COA6: variants seen among roughly 807,000 people sequenced by gnomAD.
COA6 encodes cytochrome c oxidase assembly factor 6 homolog.
COA6 carries 12 observed loss-of-function variants against 17.1 expected under a neutral mutation model. The observed-to-expected ratio is 0.70, with a 90% CI of 0.45 to 1.14. The LOEUF (loss-of-function observed/expected upper bound fraction) is 1.14, where lower values mean the gene tolerates loss of function less well. Ranked by LOEUF, COA6 falls within the 50% of genes most tolerant of loss-of-function variation. The probability of loss-of-function intolerance (pLI) is 0.00; values close to 1 mark genes in which losing one functional copy is unlikely to be tolerated. For missense variants in COA6, 246 were observed against 196.5 expected (o/e 1.25, Z -1.51); for synonymous variants, 90 against 73.4 (o/e 1.23, Z -1.16).
chr1:234,382,318 C>T (rs1286446899), intron 2 of COA6, among the ~76,000 whole-genome samples: 1 of 152,210 alleles, frequency 6.6e-6, no homozygotes, highest in Non-Finnish European at 1.5e-5. Context: ...AAGGCTGCTT[C>T]TGTGTCAGGG....
chr1:234,381,508 T>C (rs181861271), intron 2 of COA6, among the ~76,000 whole-genome samples: 7 of 152,326 alleles, frequency 4.6e-5, no homozygotes, highest in Non-Finnish European at 4.4e-5. Flanking sequence ...GATGAAGCCA[T>C]CAGTGGCCTC....
At chr1:234,380,868 C>G (rs973475846) in intron 2 of COA6, among the ~76,000 whole-genome samples, 1 of 152,180 alleles carries the variant, frequency 6.6e-6, no homozygotes, top group Non-Finnish European at 1.5e-5. Context: ...GGCGCGGTGG[C>G]ACGCGCCTGT....
In COA6 at chr1:234,373,582, G is replaced by A. The variant is rs749146340; in HGVS notation, c.116G>A (p.Arg39Lys). Residue 39 changes from arginine to lysine, a missense_variant, in exon 1 of 3, where the codon AGG becomes AAG. By Grantham distance (26) the Arg-to-Lys change is conservative (BLOSUM62 2). Coordinates refer to ENST00000366615, the MANE Select transcript of COA6 (RefSeq NM_001206641.3). Reference sequence around the variant, plus strand: ...CCAGCGGGGCGACCCTGCAGTGGCAGGACTCGGCACCGCGCCCTCCACCGC... The same window carrying A: ...CCAGCGGGGCGACCCTGCAGTGGCAAGACTCGGCACCGCGCCCTCCACCGC... ...LEPAGRPCSG[R>K]TRHRALHRRL... The A allele has an allele frequency of 3.1e-6, 5 of 1,612,276 alleles. No homozygotes were observed. The Admixed American group carries it at 6.7e-5, about 22-fold the overall frequency.
rs1409378932 is a variant in COA6 at position 234,373,673 on chromosome 1, A to G, written c.207A>G (p.Ala69=). The change falls in exon 1 of 3, where the codon GCA becomes GCG. Residue 69 remains alanine (A), a synonymous_variant. Transcript: ENST00000366615. ...GAAAGGAAGCCGGACGTGGGCGGGC[A>G]GAGAGGTCGGCTTGCTGATGGGTCC... is the stretch of plus-strand genomic sequence containing the variant. ...RHRKEAGRGR[A]ESFIAVGMAA... The G allele has an allele frequency of 6.2e-7, 1 of 1,612,798 alleles. No individual in the cohort carries two copies. The highest frequency in any genetic ancestry group is 8.5e-7 in the Non-Finnish European group (1 of 1,179,162).
At chr1:234,378,000 G>A (rs76405620) in intron 2 of COA6, among the ~76,000 whole-genome samples, 11,604 of 152,286 alleles carry the variant, frequency 0.076, 519 homozygotes, top group Middle Eastern at 0.095. Flanking sequence ...AGGAATGACC[G>A]TGTTCATCAT....
chr1:234,374,086 C>G, intron 1 of COA6, 144 bp from the exon 2 acceptor site: 3 of 1,044,958 alleles, frequency 2.9e-6, no homozygotes, highest in Non-Finnish European at 4.0e-6. Context: ...CATCAAAATC[C>G]CTAAGCATGG....
In COA6 at chr1:234,373,596, G is replaced by C; in HGVS notation, c.130G>C (p.Ala44Pro). The C allele has an allele frequency of 6.2e-7, 1 of 1,612,408 alleles. No individual in the cohort carries two copies. The highest frequency in any genetic ancestry group is 8.5e-7 in the Non-Finnish European group (1 of 1,179,500). Residue 44 changes from alanine to proline, a missense_variant, in exon 1 of 3, where the codon GCC (alanine) becomes CCC (proline). Coordinates refer to ENST00000366615, the MANE Select transcript of COA6 (RefSeq NM_001206641.3). ...CTGCAGTGGCAGGACTCGGCACCGC[G>C]CCCTCCACCGCCGGTTGGTGGCCTG... ...RPCSGRTRHR[A>P]LHRRLVACVT...
chr1:234,377,198 C>T (rs1474518121), intron 2 of COA6, among the ~76,000 whole-genome samples: 1 of 150,020 alleles, frequency 6.7e-6, no homozygotes, highest in Non-Finnish European at 1.5e-5. Context: ...GTGATCTCAG[C>T]TCACTGCAAC....
At position 234,384,050 on chromosome 1, in the gene COA6, CTTTTG is replaced by C. The variant is rs139216426; in HGVS notation, c.*242_*246del. 368 of 354,034 alleles carry C rather than the reference CTTTTG, an allele frequency of 1.0e-3. 3 individuals carry two copies. The highest frequency in any genetic ancestry group is 6.7e-3 in the African/African-American group (316 of 47,122). 21.9% of individuals were successfully genotyped at this position (354,034 alleles called of 1,614,324 possible). A position where few individuals can be genotyped will look rare whatever the true frequency, so the allele number is the denominator to read the frequency against. On this transcript the variant is annotated 3_prime_UTR_variant, in exon 3 of 3. Coordinates refer to ENST00000366615, the MANE Select transcript of COA6 (RefSeq NM_001206641.3). Reference sequence around the variant, plus strand: ...GTAAAACCTGTTATAAACACATGCACTTTTGTTTTGTTTTTGTTTTGTTTTTAATT... The same window carrying C: ...GTAAAACCTGTTATAAACACATGCACTTTTGTTTTTGTTTTGTTTTTAATT...
In COA6 at chr1:234,385,008, T is replaced by C. The variant is rs1659085839; in HGVS notation, c.*1190T>C. ...AGTAAGTGTGCAATAGCATTATGTC[T>C]GCTCAGTATATATGCCTTCATTTTA... On this transcript the variant is annotated 3_prime_UTR_variant, in exon 3 of 3. Transcript: ENST00000366615. Among the ~76,000 whole-genome samples, 1 of 151,968 alleles carries C rather than the reference T, an allele frequency of 6.6e-6. No individual in the cohort carries two copies. The highest frequency in any genetic ancestry group is 1.5e-5 in the Non-Finnish European group (1 of 67,976).
At chr1:234,377,275 C>T (rs186007772) in intron 2 of COA6, among the ~76,000 whole-genome samples, 4 of 151,840 alleles carry the variant, frequency 2.6e-5, no homozygotes, top group East Asian at 3.9e-4. Context: ...TACAAGCGCC[C>T]GCCACCACAC....
intron 2 of COA6, among the ~76,000 whole-genome samples, chr1:234,375,758 A>G (rs1658773514): frequency 6.6e-6 from 1 of 152,188 alleles, no homozygotes. Context: ...GCCTCAAGCA[A>G]TCTTCCCGCC....
At chr1:234,378,020 C>T (rs2103017279) in intron 2 of COA6, among the ~76,000 whole-genome samples, 1 of 152,340 alleles carries the variant, frequency 6.6e-6, no homozygotes, top group Non-Finnish European at 1.5e-5. Flanking sequence ...TCAGTTAAAG[C>T]ACTTGTGTTG....
rs148393073 is a variant in COA6, at chr1:234,374,285, G to A, written c.268G>A (p.Gly90Arg). Reference protein sequence around the residue: ...PSMKERQVCWGARDEYWKCLD... With the variant: ...PSMKERQVCWRARDEYWKCLD... ...TATGAAGGAAAGACAGGTCTGCTGGGGGGCCCGGGATGAGTACTGGAAGTG... is the reference window on the plus strand; with the variant it reads ...TATGAAGGAAAGACAGGTCTGCTGGAGGGCCCGGGATGAGTACTGGAAGTG... Residue 90 changes from glycine to arginine, a missense_variant, in exon 2 of 3, where the codon GGG becomes AGG. By Grantham distance (125) the Gly-to-Arg change is moderately radical. Coordinates refer to ENST00000366615, the MANE Select transcript of COA6 (RefSeq NM_001206641.3). 1 of 1,613,764 alleles carries A rather than the reference G, an allele frequency of 6.2e-7. No homozygotes were observed. Among genetic ancestry groups the A allele is most frequent in the Non-Finnish European group, 8.5e-7 (1 of 1,179,924 alleles).
At position 234,384,497 on chromosome 1, in the gene COA6, A is replaced by G. The variant is rs571521272; in HGVS notation, c.*679A>G. ...AGAAAGGTTGCAGGAAACAAGGTCA[A>G]TATACACAAGGAAAATTATATTCCT... On this transcript the variant is annotated 3_prime_UTR_variant, in exon 3 of 3. Coordinates refer to ENST00000366615, the MANE Select transcript of COA6 (RefSeq NM_001206641.3). Among the ~76,000 whole-genome samples the G allele has an allele frequency of 7.7e-4, 117 of 152,350 alleles. No homozygotes were observed. The highest frequency in any genetic ancestry group is 2.6e-3 in the African/African-American group (109 of 41,586).
intron 2 of COA6, among the ~76,000 whole-genome samples, chr1:234,380,752 G>A (rs1311279478): frequency 6.6e-6 from 1 of 152,202 alleles, no homozygotes; most frequent in Non-Finnish European, 1.5e-5. Flanking sequence ...TTATAGGCGT[G>A]AGCCACCACT....
intron 2 of COA6, among the ~76,000 whole-genome samples, chr1:234,377,837 A>G (rs112816980): frequency 3.9e-5 from 6 of 152,350 alleles, no homozygotes; most frequent in African/African-American, 9.6e-5. Context: ...CAGAGGCCCA[A>G]TAGTGGCCAT....
chr1:234,381,013 T>C (rs1658957153), intron 2 of COA6, among the ~76,000 whole-genome samples: 1 of 151,988 alleles, frequency 6.6e-6, no homozygotes, highest in African/African-American at 2.4e-5. Context: ...TAAAATAAAA[T>C]AAAAGGCTCC....
At chr1:234,378,300 TA>T (rs1658868186) in intron 2 of COA6, among the ~76,000 whole-genome samples, 1 of 152,110 alleles carries the variant, frequency 6.6e-6, no homozygotes, top group South Asian at 2.1e-4. Flanking sequence ...CTATGTGCCA[TA>T]GGAAAATACA....
Sources: allele counts gnomAD v4.1 joint callset (sites outside exome capture counted in the v4.1 genomes callset), GRCh38; gene constraint gnomAD v4.1.1; transcripts MANE v1.5; gene names NCBI Gene and HGNC (gene_info 2026-07-23, HGNC 2026-07-21).